ELP4: variants seen among roughly 807,000 people sequenced by gnomAD.
ELP4 encodes elongator complex protein 4.
ELP4 carries 51 observed loss-of-function variants against 48.9 expected under a neutral mutation model. The observed-to-expected ratio is 1.04, with a 90% CI of 0.83 to 1.32. The LOEUF is 1.32. Among genes scored for constraint, ELP4 ranks in the 40% most tolerant of loss-of-function variants. The probability of loss-of-function intolerance (pLI) is 0.00; values close to 1 mark genes in which losing one functional copy is unlikely to be tolerated. For synonymous variants in ELP4, 210 were observed against 189.2 expected, an observed-to-expected ratio of 1.11 and a Z score of -0.90; for missense variants, 519 against 514.6, an observed-to-expected ratio of 1.01 and a Z score of -0.08.
At chr11:31,714,679 C>A in intron 9 of ELP4, 1 of 398,538 alleles carries the variant, frequency 2.5e-6, no homozygotes, top group South Asian at 1.3e-4. Context: ...CCTGGATGGT[C>A]CAAGGAAGAA....
At chr11:31,643,766 A>G (rs553329345) in intron 7 of ELP4, among the ~76,000 whole-genome samples, 3 of 151,984 alleles carry the variant, frequency 2.0e-5, no homozygotes, top group Non-Finnish European at 2.9e-5. Context: ...ACCATTGTAT[A>G]ATGGCAAACA....
At chr11:31,578,944 C>G (rs1957335791) in intron 3 of ELP4, among the ~76,000 whole-genome samples, 1 of 152,192 alleles carries the variant, frequency 6.6e-6, no homozygotes, top group Non-Finnish European at 1.5e-5. Context: ...CAAATGGGAT[C>G]TAATTAAACT....
At chr11:31,744,891 G>A (rs1301076532) in intron 9 of ELP4, among the ~76,000 whole-genome samples, 2 of 152,164 alleles carry the variant, frequency 1.3e-5, no homozygotes, top group African/African-American at 2.4e-5. Context: ...TCTGGCCAGG[G>A]CACTCAGGCA....
chr11:31,560,339 G>A (rs957246377), intron 3 of ELP4, among the ~76,000 whole-genome samples: 3 of 151,964 alleles, frequency 2.0e-5, no homozygotes, highest in Admixed American at 6.6e-5. Context: ...AAAAGATAAT[G>A]TACTTATATT....
At chr11:31,538,852 T>G (rs1253491011) in intron 2 of ELP4, among the ~76,000 whole-genome samples, 2 of 152,194 alleles carry the variant, frequency 1.3e-5, no homozygotes, top group Non-Finnish European at 2.9e-5. Context: ...TTAGAAGTGT[T>G]TCATCCTTTC....
chr11:31,579,594 A>G (rs1469338982), intron 3 of ELP4, among the ~76,000 whole-genome samples: 2 of 152,196 alleles, frequency 1.3e-5, no homozygotes, highest in African/African-American at 4.8e-5. Context: ...ACTATGGAAT[A>G]CTATGCAGCC....
intron 2 of ELP4, among the ~76,000 whole-genome samples, chr11:31,527,488 G>C (rs1023764076): frequency 6.6e-6 from 1 of 151,952 alleles, no homozygotes; most frequent in African/African-American, 2.4e-5. Flanking sequence ...TTCTATATCT[G>C]TTTCTCTTCC....
At position 31,733,476 on chromosome 11, in the gene ELP4, C is replaced by CAA. The variant is rs59733716; in HGVS notation, c.1144-49899_1144-49898dup. Among the ~76,000 whole-genome samples, 565 of 69,628 alleles carry CAA rather than the reference C, an allele frequency of 8.1e-3. 7 individuals are homozygous for CAA. Among genetic ancestry groups the CAA allele is most frequent in the South Asian group, 0.014 (24 of 1,706 alleles). 45.7% of individuals were successfully genotyped at this position (69,628 alleles called of 152,430 possible). ...TGGGTGACAGAGTGAGACTCCATCT[C>CAA]AAAAAAAAAAAAAAAAAAAGGAAAG... On this transcript the variant is annotated intron_variant, in intron 9 of 9. Transcript: ENST00000640961.
At chr11:31,532,398 C>G (rs903676502) in intron 2 of ELP4, among the ~76,000 whole-genome samples, 1 of 152,116 alleles carries the variant, frequency 6.6e-6, no homozygotes, top group African/African-American at 2.4e-5. Context: ...GAAAAGATCA[C>G]TAAGGATAGT....
chr11:31,694,491 C>A (rs1474704075), intron 9 of ELP4, among the ~76,000 whole-genome samples: 2 of 152,114 alleles, frequency 1.3e-5, no homozygotes, highest in Non-Finnish European at 2.9e-5. Flanking sequence ...GGTATTATTT[C>A]TGAGGGCTCT....
intron 9 of ELP4, chr11:31,707,050 G>A (rs1400540520): frequency 5.0e-6 from 2 of 398,098 alleles, no homozygotes; most frequent in African/African-American, 2.1e-5. Context: ...GTGGATGTCC[G>A]GATGTCTCTT....
intron 7 of ELP4, chr11:31,634,325 T>C (rs1944926860): frequency 6.6e-6 from 1 of 151,954 alleles, no homozygotes; most frequent in Non-Finnish European, 1.5e-5. Context: ...AAACAAAAAG[T>C]TCCATTCTAG....
chr11:31,564,817 T>C (rs371983574), intron 3 of ELP4, among the ~76,000 whole-genome samples: 4 of 152,192 alleles, frequency 2.6e-5, no homozygotes, highest in East Asian at 1.9e-4. Context: ...TTTGCTATTG[T>C]GAATAGTGCC....
At chr11:31,579,470 A>G (rs1957347485) in intron 3 of ELP4, among the ~76,000 whole-genome samples, 1 of 152,184 alleles carries the variant, frequency 6.6e-6, no homozygotes, top group Admixed American at 6.5e-5. Context: ...ATGCTGCTAT[A>G]AAGACACATG....
chr11:31,732,898 AT>A (rs1189127922), intron 9 of ELP4, among the ~76,000 whole-genome samples: 1 of 152,226 alleles, frequency 6.6e-6, no homozygotes, highest in Non-Finnish European at 1.5e-5. Context: ...TGTACCCAGC[AT>A]CAGAGCACCC....
intron 5 of ELP4, among the ~76,000 whole-genome samples, chr11:31,615,561 T>C (rs1016438512): frequency 2.6e-5 from 4 of 152,100 alleles, no homozygotes; most frequent in African/African-American, 9.6e-5. Flanking sequence ...AAAATGTAAC[T>C]ACTTGGGCAA....
chr11:31,737,813 A>T (rs1236751185), intron 9 of ELP4, among the ~76,000 whole-genome samples: 1 of 152,180 alleles, frequency 6.6e-6, no homozygotes, highest in Non-Finnish European at 1.5e-5. Context: ...AGTGTTGACA[A>T]GGATGGTAAC....
chr11:31,737,708 A>G (rs1389658691), intron 9 of ELP4, among the ~76,000 whole-genome samples: 1 of 152,148 alleles, frequency 6.6e-6, no homozygotes, highest in Non-Finnish European at 1.5e-5. Flanking sequence ...AGACATACAA[A>G]TGGCCAAAAC....
chr11:31,655,084 A>G (rs1945400964), intron 9 of ELP4, among the ~76,000 whole-genome samples: 1 of 151,992 alleles, frequency 6.6e-6, no homozygotes, highest in South Asian at 2.1e-4. Context: ...ATAAACCCAA[A>G]TTAACATTTT....
Sources: allele counts gnomAD v4.1 joint callset (sites outside exome capture counted in the v4.1 genomes callset), GRCh38; gene constraint gnomAD v4.1.1; transcripts MANE v1.5; gene names NCBI Gene and HGNC (gene_info 2026-07-23, HGNC 2026-07-21).